Variants in CEP128 observed in about 807,000 individuals in gnomAD.
The protein encoded by CEP128 is centrosomal protein 128kDa.
In CEP128, 132 loss-of-function variants were observed where a neutral mutation model predicts 156.7. The ratio of observed to expected loss-of-function variants is 0.84; its 90% CI spans 0.73 to 0.97. The LOEUF (loss-of-function observed/expected upper bound fraction) is 0.97. Ranked by LOEUF, CEP128 falls within the 50% of genes least tolerant of loss-of-function variation. The pLI, the probability that CEP128 is intolerant of heterozygous loss-of-function variation, is 0.00. For missense variants in CEP128, 1,252 were observed against 1,281.9 expected (o/e 0.98, Z 0.36); for synonymous variants, 469 against 448.9 (o/e 1.04, Z -0.57).
At chr14:80,824,794 A>C (rs1885379059) in intron 13 of CEP128, among the ~76,000 whole-genome samples, 1 of 152,198 alleles carries the variant, frequency 6.6e-6, no homozygotes. Flanking sequence ...CTTCCAAACT[A>C]TTCCAACCCC....
chr14:80,837,120 T>C (rs1425594943), intron 11 of CEP128, among the ~76,000 whole-genome samples: 1 of 152,238 alleles, frequency 6.6e-6, no homozygotes, highest in Non-Finnish European at 1.5e-5. Context: ...AAAGGTTTTG[T>C]AAAACAGGTG....
At chr14:80,573,514 TTTCG>T (rs1382947780) in intron 20 of CEP128, among the ~76,000 whole-genome samples, 2 of 152,164 alleles carry the variant, frequency 1.3e-5, no homozygotes, top group Non-Finnish European at 2.9e-5. Flanking sequence ...AGAATACTTC[TTTCG>T]TAGGGTATTC....
At chr14:80,726,593 T>C (rs1257767309) in intron 19 of CEP128, among the ~76,000 whole-genome samples, 1 of 152,208 alleles carries the variant, frequency 6.6e-6, no homozygotes, top group East Asian at 1.9e-4. Flanking sequence ...CCAAAGACAC[T>C]AACAGGTAGT....
chr14:80,511,117 C>A (rs1481878846), intron 23 of CEP128, among the ~76,000 whole-genome samples: 1 of 150,106 alleles, frequency 6.7e-6, no homozygotes, highest in East Asian at 1.9e-4. Context: ...GTAATACTGG[C>A]CTCATAGAAT....
At chr14:80,489,316 A>T (rs1887246689), downstream of CEP128, among the ~76,000 whole-genome samples, 1 of 151,466 alleles carries the variant, frequency 6.6e-6, no homozygotes, top group African/African-American at 2.4e-5. Context: ...CTGTGGTCTA[A>T]TAGTGTAAGA....
chr14:80,592,345 C>T (rs1438048017), intron 19 of CEP128, among the ~76,000 whole-genome samples: 1 of 152,166 alleles, frequency 6.6e-6, no homozygotes, highest in Non-Finnish European at 1.5e-5. Flanking sequence ...CACACAAATG[C>T]AAACTACCAT....
At chr14:80,923,494 G>A (rs1447121026) in intron 2 of CEP128, among the ~76,000 whole-genome samples, 6 of 152,190 alleles carry the variant, frequency 3.9e-5, no homozygotes, top group Non-Finnish European at 5.9e-5. Flanking sequence ...CTCTGAGCCA[G>A]TTTAAAACAA....
intron 15 of CEP128, among the ~76,000 whole-genome samples, chr14:80,781,631 C>CG (rs138261229): frequency 3.3e-5 from 5 of 151,446 alleles, no homozygotes; most frequent in South Asian, 2.1e-4. Context: ...AGAGAGTATC[C>CG]GGGGGGCTAA....
rs951386000 is a variant in CEP128 at position 80,731,367 on chromosome 14, A to G, written c.2806+11708T>C. On this transcript the variant is annotated intron_variant, in intron 19 of 24. Transcript: ENST00000555265. ...CTGCCTCAACTGTTAAATGGGATTA[A>G]TAACCTCAGAAGTTTATTTTAAGAG... Among the ~76,000 whole-genome samples, 3 of 152,220 alleles carry G rather than the reference A, an allele frequency of 2.0e-5. No homozygotes were observed. The East Asian group carries it at 5.8e-4, about 29-fold the overall frequency.
intron 19 of CEP128, among the ~76,000 whole-genome samples, chr14:80,620,529 T>C (rs1039256137): frequency 5.3e-5 from 8 of 152,116 alleles, no homozygotes; most frequent in African/African-American, 1.9e-4. Flanking sequence ...GAATTAGAAT[T>C]TGGCTGACAG....
At chr14:80,602,505 C>T (rs8017722) in intron 19 of CEP128, among the ~76,000 whole-genome samples, 20,326 of 152,206 alleles carry the variant, frequency 0.13, 1,457 homozygotes, top group South Asian at 0.24. Flanking sequence ...GGCGTGGTGG[C>T]TTATGCTTGT....
At chr14:80,552,336 A>C (rs920711816) in intron 21 of CEP128, among the ~76,000 whole-genome samples, 1 of 151,908 alleles carries the variant, frequency 6.6e-6, no homozygotes, top group Non-Finnish European at 1.5e-5. Context: ...AATAAAAACA[A>C]AACAAAACAA....
intron 8 of CEP128, among the ~76,000 whole-genome samples, chr14:80,889,089 C>T (rs1470077243): frequency 6.6e-6 from 1 of 151,994 alleles, no homozygotes; most frequent in Non-Finnish European, 1.5e-5. Flanking sequence ...TGAAGAACCT[C>T]TTCAAGGAGA....
chr14:80,812,638 G>A (rs1396846030), intron 13 of CEP128, among the ~76,000 whole-genome samples: 2 of 152,094 alleles, frequency 1.3e-5, no homozygotes, highest in Admixed American at 6.5e-5. Context: ...GCACGATCTC[G>A]GCTCACTGCA....
At chr14:80,619,195 T>G (rs1352856751) in intron 19 of CEP128, among the ~76,000 whole-genome samples, 1 of 152,140 alleles carries the variant, frequency 6.6e-6, no homozygotes, top group Non-Finnish European at 1.5e-5. Flanking sequence ...CAACCCAAAT[T>G]ATGTGAAATC....
At chr14:80,553,298 G>A (rs1341782065) in intron 21 of CEP128, among the ~76,000 whole-genome samples, 1 of 151,976 alleles carries the variant, frequency 6.6e-6, no homozygotes, top group African/African-American at 2.4e-5. Flanking sequence ...GTGTCCATGT[G>A]TTCTCATGTT....
intron 8 of CEP128, among the ~76,000 whole-genome samples, chr14:80,886,489 A>G (rs548466054): frequency 6.6e-6 from 1 of 152,370 alleles, no homozygotes; most frequent in South Asian, 2.1e-4. Flanking sequence ...ATTCTTAAAG[A>G]AAAGAATTTT....
rs375445525 is a variant in CEP128 at position 80,756,859 on chromosome 14, T to G, written c.2613+33A>C. The G allele has an allele frequency of 3.8e-5, 53 of 1,395,310 alleles. No homozygotes were observed. The African/African-American group carries it at 5.6e-4, about 15-fold the overall frequency. The allele number at this position is 1,395,310 out of a possible 1,614,324, so 86.4% of individuals were successfully genotyped here. A position where few individuals can be genotyped will look rare whatever the true frequency, so the allele number is the denominator to read the frequency against. ...TAGGATGGCTTAAAGATCATAAATA[T>G]TACAATAACTTTAGGATTTAAAGAT... On this transcript the variant is annotated intron_variant, in intron 18 of 24. Coordinates refer to ENST00000555265, the MANE Select transcript of CEP128 (RefSeq NM_152446.5).
intron 19 of CEP128, among the ~76,000 whole-genome samples, chr14:80,729,362 A>G (rs1218808379): frequency 7.0e-6 from 1 of 143,532 alleles, no homozygotes; most frequent in Non-Finnish European, 1.5e-5. Context: ...TTTATGGTTG[A>G]GTAGTATTCT....
Sources: allele counts gnomAD v4.1 joint callset (sites outside exome capture counted in the v4.1 genomes callset), GRCh38; gene constraint gnomAD v4.1.1; transcripts MANE v1.5; gene names NCBI Gene and HGNC (gene_info 2026-07-23, HGNC 2026-07-21).